KLHL13: variants seen among roughly 807,000 people sequenced by gnomAD.
KLHL13 encodes kelch like family member 13.
KLHL13 carries 10 observed loss-of-function variants against 37.1 expected under a neutral mutation model. The observed-to-expected ratio is 0.27, with a 90% confidence interval of 0.17 to 0.46. The LOEUF is 0.46. KLHL13 is among the 20% of genes least tolerant of loss of function. The pLI is 1.00. For synonymous variants in KLHL13, 163 were observed against 181.2 expected (o/e 0.90, Z 0.81); for missense variants, 360 against 509.3 (o/e 0.71, Z 2.82).
intron 1 of KLHL13, among the ~76,000 whole-genome samples, chrX:118,027,800 G>A: frequency 9.0e-6 from 1 of 111,171 alleles, no homozygotes; most frequent in South Asian, 3.8e-4. Flanking sequence ...ACTTGCCCAA[G>A]GCTATACCAC....
chrX:118,101,132 A>G (rs762570249), intron 1 of KLHL13, among the ~76,000 whole-genome samples: 21 of 111,773 alleles, frequency 1.9e-4, no homozygotes, highest in Non-Finnish European at 3.2e-4. Context: ...TGTGCCTTCT[A>G]TAATTCATAT....
chrX:117,954,758 A>T (rs761383839), intron 1 of KLHL13, among the ~76,000 whole-genome samples: 90 of 112,169 alleles, frequency 8.0e-4, no homozygotes, highest in Non-Finnish European at 1.4e-3. Flanking sequence ...GGAAATAGTT[A>T]CAATCCTCTG....
intron 2 of KLHL13, among the ~76,000 whole-genome samples, chrX:117,933,446 A>T (rs1932567977): frequency 9.0e-6 from 1 of 111,540 alleles, no homozygotes; most frequent in African/African-American, 3.3e-5. Flanking sequence ...GTGCCAGGAA[A>T]ACTGGATATC....
At position 118,053,286 on chromosome X, in the gene KLHL13, T is replaced by C. The variant is rs779138838; in HGVS notation, c.-56+63222A>G. On this transcript the variant is annotated intron_variant, in intron 1 of 6. Coordinates refer to the KLHL13 transcript ENST00000371882. ...CTGGATTAAGAAAATGTGGCACATA[T>C]ACACCACGGAATACTATGCAGCCAT... Among the ~76,000 whole-genome samples, 29 of 112,004 alleles carry C rather than the reference T, an allele frequency of 2.6e-4. No homozygotes were observed. The East Asian group carries it at 7.8e-3, about 30-fold the overall frequency.
intron 1 of KLHL13, among the ~76,000 whole-genome samples, chrX:117,955,191 G>A (rs994882233): frequency 1.3e-4 from 14 of 111,610 alleles, no homozygotes; most frequent in East Asian, 2.8e-4. Context: ...GAGATAAATC[G>A]ATTTGGGAAC....
chrX:118,066,446 CAAAT>C (rs1321293935), intron 1 of KLHL13, among the ~76,000 whole-genome samples: 3 of 111,385 alleles, frequency 2.7e-5, no homozygotes, highest in African/African-American at 9.8e-5. Context: ...ATGAGTTAAA[CAAAT>C]AAAAGTATTC....
At chrX:117,998,758 G>A (rs747810594) in intron 1 of KLHL13, among the ~76,000 whole-genome samples, 18 of 110,981 alleles carry the variant, frequency 1.6e-4, no homozygotes, top group African/African-American at 5.2e-4. Context: ...GGGGCACCAT[G>A]AGAAGCTACT....
At position 118,015,109 on chromosome X, in the gene KLHL13, A is replaced by C. The variant is rs183506922; in HGVS notation, c.-55-69534T>G. Among the ~76,000 whole-genome samples, 168 of 111,771 alleles carry C rather than the reference A, an allele frequency of 1.5e-3. 2 individuals are homozygous for C. The highest frequency in any genetic ancestry group is 5.3e-3 in the African/African-American group (163 of 30,784). On this transcript the variant is annotated intron_variant, in intron 1 of 6. Transcript: ENST00000371882. ...ATGAGGAAATGGACTCATAGGAGTT[A>C]AGACACTTTCCAAATTTCACACAGC...
At chrX:117,900,812 CCTGA>C (rs1312807830) in intron 6 of KLHL13, among the ~76,000 whole-genome samples, 3 of 110,884 alleles carry the variant, frequency 2.7e-5, no homozygotes, top group African/African-American at 6.6e-5. Flanking sequence ...ATGATAATAA[CCTGA>C]CTAACAAAGT....
intron 1 of KLHL13, 117 bp downstream of exon 2, chrX:118,028,307 A>C (rs2054296234): frequency 2.4e-6 from 1 of 424,697 alleles, no homozygotes; most frequent in African/African-American, 2.4e-5. Flanking sequence ...TAACTCATTC[A>C]TACAGTAAAT....
rs1157445182 is a variant in KLHL13 at position 117,918,474 on chromosome X, A to G, written c.570+1047T>C. Among the ~76,000 whole-genome samples the G allele has an allele frequency of 1.1e-4, 12 of 111,761 alleles. No individual in the cohort carries two copies. The Admixed American group carries it at 1.1e-3, about 11-fold the overall frequency. Reference sequence around the variant, plus strand: ...ATTCATATGAGTTAAAAAATTATAGAAAACATATCCATCAACATAATGAGT... The same window carrying G: ...ATTCATATGAGTTAAAAAATTATAGGAAACATATCCATCAACATAATGAGT... On this transcript the variant is annotated intron_variant, in intron 4 of 6. Transcript: ENST00000262820.
At position 117,938,946 on chromosome X, in the gene KLHL13, AT is replaced by A. The variant is rs200951166; in HGVS notation, c.240+6487del. On this transcript the variant is annotated intron_variant, in intron 2 of 6. Coordinates refer to ENST00000262820, the Ensembl canonical transcript of KLHL13. ...ATATATTAGAGGATTAGAGGGATTT[AT>A]TTTTTTTTTATACTTAAAGTTCTGG... is the stretch of plus-strand genomic sequence containing the variant. Among the ~76,000 whole-genome samples the A allele has an allele frequency of 5.7e-3, 607 of 106,858 alleles. 5 individuals are homozygous for A. Among genetic ancestry groups the A allele is most frequent in the African/African-American group, 0.013 (392 of 29,533 alleles). 92.8% of individuals were successfully genotyped at this position (106,858 alleles called of 115,157 possible). A position where few individuals can be genotyped will look rare whatever the true frequency, so the allele number is the denominator to read the frequency against.
chrX:117,944,153 G>T (rs1247969944), intron 2 of KLHL13, among the ~76,000 whole-genome samples: 1 of 110,847 alleles, frequency 9.0e-6, no homozygotes, highest in Non-Finnish European at 1.9e-5. Context: ...ATCACCAGTG[G>T]GGGCTCAGTT....
intron 1 of KLHL13, among the ~76,000 whole-genome samples, chrX:118,052,728 G>A (rs988344984): frequency 1.4e-4 from 15 of 109,337 alleles, no homozygotes; most frequent in Non-Finnish European, 2.9e-4. Context: ...TCAGGAGGCT[G>A]AGGCAGAAGA....
At chrX:118,002,348 G>A (rs898571736) in intron 1 of KLHL13, among the ~76,000 whole-genome samples, 5 of 110,499 alleles carry the variant, frequency 4.5e-5, no homozygotes, top group African/African-American at 1.7e-4. Flanking sequence ...TGTAATCCCA[G>A]CACTTTGGGA....
intron 1 of KLHL13, among the ~76,000 whole-genome samples, chrX:117,983,305 G>A (rs751120154): frequency 9.0e-5 from 10 of 111,293 alleles, no homozygotes; most frequent in African/African-American, 2.0e-4. Flanking sequence ...ACAATGATGC[G>A]TGGCATTTTT....
chrX:118,108,167 A>G (rs1409840305), intron 1 of KLHL13, among the ~76,000 whole-genome samples: 2 of 112,321 alleles, frequency 1.8e-5, no homozygotes, highest in African/African-American at 6.5e-5. Flanking sequence ...AAAACTCTAC[A>G]AACTACAAGC....
At chrX:117,972,653 G>T in intron 1 of KLHL13, 1 of 871,762 alleles carries the variant, frequency 1.1e-6, no homozygotes, top group Non-Finnish European at 1.6e-6. Flanking sequence ...CTGTTTGGGG[G>T]CTCCCCCGCC....
intron 2 of KLHL13, among the ~76,000 whole-genome samples, chrX:117,932,082 A>G (rs1196564554): frequency 1.8e-5 from 2 of 111,359 alleles, no homozygotes; most frequent in African/African-American, 3.3e-5. Context: ...TTTATGGGGT[A>G]CAATGTGATG....
Sources: gnomAD v4.1 joint callset for allele counts (sites outside exome capture counted in the v4.1 genomes callset) on GRCh38, gnomAD v4.1.1 for gene constraint, MANE v1.5 for transcripts, NCBI Gene and HGNC (gene_info 2026-07-23, HGNC 2026-07-21) for gene names.